SLC26A7: variants seen among roughly 807,000 people sequenced by gnomAD.
The protein encoded by SLC26A7 is solute carrier family 26 member 7.
A neutral mutation model predicts 82.5 loss-of-function variants in SLC26A7; 59 were observed. The observed-to-expected ratio is 0.72, with a 90% CI of 0.58 to 0.89. The LOEUF is 0.89. Among genes scored for constraint, SLC26A7 ranks in the 40% least tolerant of loss-of-function variants. SLC26A7 has a pLI of 0.00. For synonymous variants in SLC26A7, 271 were observed against 274.3 expected (o/e 0.99, Z 0.12); for missense variants, 820 against 793.0 (o/e 1.03, Z -0.41).
At chr8:91,275,047 C>G (rs560714504) in intron 2 of SLC26A7, among the ~76,000 whole-genome samples, 4 of 152,060 alleles carry the variant, frequency 2.6e-5, no homozygotes, top group African/African-American at 9.7e-5. Context: ...GCATATATTC[C>G]GTCTCTCTTC....
intron 9 of SLC26A7, among the ~76,000 whole-genome samples, chr8:91,343,765 A>G (rs1420486269): frequency 6.6e-6 from 1 of 152,090 alleles, no homozygotes; most frequent in Non-Finnish European, 1.5e-5. Context: ...TTCTAATCTA[A>G]ATGGTCAACA....
chr8:91,394,674 C>T (rs1437101259), intron 18 of SLC26A7: 2 of 1,099,268 alleles, frequency 1.8e-6, no homozygotes, highest in Non-Finnish European at 2.2e-6. Context: ...TATGTATTTA[C>T]AAAATAATAA....
chr8:91,282,510 C>T (rs1811601282), intron 2 of SLC26A7, among the ~76,000 whole-genome samples: 1 of 152,136 alleles, frequency 6.6e-6, no homozygotes, highest in Admixed American at 6.5e-5. Flanking sequence ...AAGCTCTTTC[C>T]TCTGTCATTA....
intron 3 of SLC26A7, 61 bp from the exon 4 acceptor site, chr8:91,295,470 T>A: frequency 6.4e-7 from 1 of 1,554,870 alleles, no homozygotes; most frequent in South Asian, 1.2e-5. Flanking sequence ...AATCCCACAA[T>A]TTTTATTGAG....
chr8:91,253,409 C>G (rs982574719), intron 2 of SLC26A7, among the ~76,000 whole-genome samples: 1 of 152,096 alleles, frequency 6.6e-6, no homozygotes, highest in Non-Finnish European at 1.5e-5. Flanking sequence ...ATGGGCCCTG[C>G]AGTCGCTGTA....
intron 5 of SLC26A7, among the ~76,000 whole-genome samples, chr8:91,325,718 C>T (rs1426711568): frequency 6.6e-6 from 1 of 152,160 alleles, no homozygotes; most frequent in Non-Finnish European, 1.5e-5. Context: ...TAGCATCTTC[C>T]CTCCATAACC....
In SLC26A7 at chr8:91,369,713, A is replaced by C. The variant is rs981392158; in HGVS notation, c.1627-72A>C. On this transcript the variant is annotated intron_variant, in intron 14 of 18. Coordinates refer to ENST00000276609, the MANE Select transcript of SLC26A7 (RefSeq NM_052832.4). ...TTTGTTATTCTTTATAAGTAAAAGA[A>C]TTATGTGATTTTTTTCAGACAGAAG... is the stretch of plus-strand genomic sequence containing the variant. The C allele has an allele frequency of 3.5e-6, 4 of 1,135,720 alleles. No homozygotes were observed. The African/African-American group carries it at 6.4e-5, about 18-fold the overall frequency. 70.4% of individuals were successfully genotyped at this position (1,135,720 alleles called of 1,614,324 possible).
chr8:91,369,942 T>A, intron 15 of SLC26A7, 109 bp downstream of exon 15: 1 of 824,772 alleles, frequency 1.2e-6, no homozygotes, highest in Non-Finnish European at 2.0e-6. Flanking sequence ...TCTTCTGTTC[T>A]TCTTCTTTTT....
intron 2 of SLC26A7, among the ~76,000 whole-genome samples, chr8:91,285,277 A>G (rs983505821): frequency 2.0e-5 from 3 of 151,408 alleles, no homozygotes; most frequent in Non-Finnish European, 4.4e-5. Flanking sequence ...TGGCGTTCAC[A>G]CGCCTTCATC....
chr8:91,346,556 A>G (rs921821205), intron 9 of SLC26A7, among the ~76,000 whole-genome samples: 4 of 152,190 alleles, frequency 2.6e-5, no homozygotes, highest in Admixed American at 2.6e-4. Flanking sequence ...TCAAAGGATC[A>G]GTGATAATCA....
intron 4 of SLC26A7, among the ~76,000 whole-genome samples, chr8:91,299,320 G>A (rs1035911625): frequency 7.9e-5 from 12 of 151,848 alleles, no homozygotes; most frequent in Non-Finnish European, 1.8e-4. Context: ...TTTATCAGTC[G>A]TTTCTTTTAC....
chr8:91,333,298 A>G (rs1813144950), intron 5 of SLC26A7, among the ~76,000 whole-genome samples: 1 of 152,088 alleles, frequency 6.6e-6, no homozygotes, highest in Non-Finnish European at 1.5e-5. Context: ...AATTACCAAG[A>G]TTGAGTGTTT....
At chr8:91,367,714 A>G (rs1444552976) in intron 14 of SLC26A7, among the ~76,000 whole-genome samples, 1 of 152,240 alleles carries the variant, frequency 6.6e-6, no homozygotes, top group Non-Finnish European at 1.5e-5. Flanking sequence ...GGCCTACTCA[A>G]CACTATAACA....
chr8:91,258,881 C>A (rs1242141075), intron 2 of SLC26A7, among the ~76,000 whole-genome samples: 1 of 152,060 alleles, frequency 6.6e-6, no homozygotes, highest in Non-Finnish European at 1.5e-5. Flanking sequence ...TAAACTCCAA[C>A]AAAACTAAAT....
chr8:91,224,374 CTGT>C (rs1810204646), intron 2 of SLC26A7, among the ~76,000 whole-genome samples: 1 of 152,016 alleles, frequency 6.6e-6, no homozygotes, highest in African/African-American at 2.4e-5. Flanking sequence ...TGGGGACTTA[CTGT>C]TGTTGTTGAT....
chr8:91,390,476 T>G (rs183965799), intron 16 of SLC26A7, among the ~76,000 whole-genome samples: 51 of 152,196 alleles, frequency 3.4e-4, no homozygotes, highest in Non-Finnish European at 5.6e-4. Flanking sequence ...GTTCTTTCCC[T>G]CAATACCCTG....
chr8:91,264,712 A>G (rs1435142020), intron 2 of SLC26A7, among the ~76,000 whole-genome samples: 3 of 152,062 alleles, frequency 2.0e-5, no homozygotes, highest in Non-Finnish European at 4.4e-5. Context: ...CCCAAACCTC[A>G]TTAAGTACAG....
chr8:91,217,087 G>A (rs1329227635), intron 1 of SLC26A7, among the ~76,000 whole-genome samples: 1 of 152,050 alleles, frequency 6.6e-6, no homozygotes, highest in South Asian at 2.1e-4. Context: ...TCCTTGGGCT[G>A]AGCCATATGT....
At chr8:91,384,931 T>C (rs1814760407) in intron 15 of SLC26A7, among the ~76,000 whole-genome samples, 1 of 152,216 alleles carries the variant, frequency 6.6e-6, no homozygotes, top group Admixed American at 6.5e-5. Context: ...TTAATTGATA[T>C]CAACAGAAAA....
Sources: allele counts gnomAD v4.1 joint callset (sites outside exome capture counted in the v4.1 genomes callset), GRCh38; gene constraint gnomAD v4.1.1; transcripts MANE v1.5; gene names NCBI Gene and HGNC (gene_info 2026-07-23, HGNC 2026-07-21).